The following GAA variants were observed in gnomAD, a reference collection of about 807,000 sequenced individuals.
The protein encoded by GAA is lysosomal alpha-glucosidase.
A neutral mutation model predicts 103.9 loss-of-function variants in GAA; 88 were observed. That is an observed-to-expected ratio of 0.85 (90% CI 0.71 to 1.01). The LOEUF is 1.01. Ranked by LOEUF, GAA falls within the 50% of genes least tolerant of loss-of-function variation. The pLI is 0.00. For missense variants in GAA, 1,350 were observed against 1,305.3 expected, an observed-to-expected ratio of 1.03 and a Z score of -0.53; for synonymous variants, 572 against 563.1, an observed-to-expected ratio of 1.02 and a Z score of -0.22.
chr17:80,103,994 G>A (rs1020095942), intron 1 of GAA, among the ~76,000 whole-genome samples: 6 of 152,156 alleles, frequency 3.9e-5, no homozygotes, highest in African/African-American at 1.2e-4. Context: ...CCAGCCAGGC[G>A]TGGTCACTCC....
chr17:80,111,968 CCCCG>C lies in GAA; in HGVS notation c.1637-12_1637-9del. The C allele has an allele frequency of 5.6e-6, 9 of 1,608,094 alleles. No homozygotes were observed. The highest frequency in any genetic ancestry group is 7.7e-6 in the Non-Finnish European group (9 of 1,175,780). On this transcript the variant is annotated splice_polypyrimidine_tract_variant and intron_variant, in intron 11 of 19. Coordinates refer to ENST00000302262, the MANE Select transcript of GAA (RefSeq NM_000152.5). ...GGGAGGAAGCTCCCTGGAAACCAGC[CCCCG>C]CCTCTTCCAGGGGTGGTTGGGGGGA...
At chr17:80,108,674 A>T (rs2039155797) in intron 7 of GAA, 23 bp from the exon 8 acceptor site, 1 of 1,612,756 alleles carries the variant, frequency 6.2e-7, no homozygotes, top group East Asian at 2.2e-5. Flanking sequence ...GCCCCAGCAG[A>T]CGGTCCCGTG....
rs772394815 is a variant in GAA at position 80,104,617 on chromosome 17, C to G, written c.31C>G (p.Arg11Gly). The change falls in exon 2 of 20, where the codon CGG becomes GGG. Residue 11 changes from arginine to glycine, a missense_variant. Transcript: ENST00000302262. This position sits in a 1 kb window ranked among gnomAD's most constrained non-coding sequence, Gnocchi z 4.0. The stretch of plus-strand genomic sequence containing the variant: ...AGTGAGGCACCCGCCCTGCTCCCAC[C>G]GGCTCCTGGCCGTCTGCGCCCTCGT... The part of the protein sequence containing the change: MGVRHPPCSH[R>G]LLAVCALVSL... The G allele has an allele frequency of 6.2e-7, 1 of 1,612,528 alleles. No homozygotes were observed. Among genetic ancestry groups the G allele is most frequent in the Non-Finnish European group, 8.5e-7 (1 of 1,179,870 alleles).
At chr17:80,114,399 CTTG>C (rs1418728380) in intron 15 of GAA, among the ~76,000 whole-genome samples, 2 of 150,542 alleles carry the variant, frequency 1.3e-5, no homozygotes, top group Admixed American at 6.6e-5. Context: ...TTTTAATGAC[CTTG>C]TTGTTTCTGT....
rs1351262187 is a variant in GAA at position 80,104,876 on chromosome 17, C to T, written c.290C>T (p.Ala97Val). 2.5e-6 allele frequency: 4 copies of T among 1,612,776 alleles called. No homozygotes were observed. The highest frequency in any genetic ancestry group is 3.4e-6 in the Non-Finnish European group (4 of 1,179,888). ...CGCTTCGATTGCGCCCCTGACAAGG[C>T]CATCACCCAGGAACAGTGCGAGGCC... ...NSRFDCAPDK[A>V]ITQEQCEARG... The change falls in exon 2 of 20, where the codon GCC (alanine) becomes GTC (valine). Residue 97 changes from alanine (A) to valine (V), a missense_variant. Transcript: ENST00000302262. This position sits in a 1 kb window ranked among gnomAD's most constrained non-coding sequence, Gnocchi z 4.0.
intron 8 of GAA, among the ~76,000 whole-genome samples, chr17:80,109,562 A>G (rs2039179007): frequency 6.6e-6 from 1 of 152,238 alleles, no homozygotes; most frequent in Non-Finnish European, 1.5e-5. Flanking sequence ...GCCTGTTTCC[A>G]TCCCTGCCTT....
rs373387713 is a variant in GAA, at chr17:80,112,121, C to T, written c.1754+21C>T. 3.0e-4 allele frequency: 486 copies of T among 1,599,340 alleles called. No individual in the cohort carries two copies. Among genetic ancestry groups the T allele is most frequent in the Non-Finnish European group, 4.0e-4 (462 of 1,167,162 alleles). On this transcript the variant is annotated intron_variant, in intron 12 of 19. Coordinates refer to ENST00000302262, the MANE Select transcript of GAA (RefSeq NM_000152.5). ...CACAGGTGAGGGCCACGTCCCGCCC[C>T]ACTGGGCTCTGCCCTCACAGCCTGT...
chr17:80,108,459 C>A, intron 6 of GAA, 30 bp from the exon 7 acceptor site: 1 of 1,613,244 alleles, frequency 6.2e-7, no homozygotes, highest in Non-Finnish European at 8.5e-7. Context: ...TCCCTCCTCC[C>A]TCCCTCATGA....
At position 80,112,050 on chromosome 17, in the gene GAA, C is replaced by T. The variant is rs776882059; in HGVS notation, c.1704C>T (p.His568=). 2 of 1,614,098 alleles carry T rather than the reference C, an allele frequency of 1.2e-6. No homozygotes were observed. Among genetic ancestry groups the T allele is most frequent in the Non-Finnish European group, 1.7e-6 (2 of 1,179,970 alleles). ...CCAGCCACCAGTTTCTCTCCACACA[C>T]TACAACCTGCACAACCTCTACGGCC... ...CASSHQFLST[H]YNLHNLYGLT... Residue 568 remains histidine, a synonymous_variant, in exon 12 of 20, where the codon CAC becomes CAT. Transcript: ENST00000302262.
chr17:80,114,427 T>C (rs1051511874), intron 15 of GAA, among the ~76,000 whole-genome samples: 28 of 152,066 alleles, frequency 1.8e-4, no homozygotes, highest in Non-Finnish European at 2.9e-4. Flanking sequence ...ACACTTTTTT[T>C]TTTTTTTTTT....
rs886043848 is a variant in GAA, at chr17:80,118,718, G to A, written c.2712G>A (p.Val904=). The change falls in exon 19 of 20, where the codon GTG becomes GTA. Residue 904 remains valine, a synonymous_variant. Transcript: ENST00000302262. ...SEGAGLQLQK[V]TVLGVATAPQ... ...GAGCTGGCCTGCAGCTGCAGAAGGT[G>A]ACTGTCCTGGGCGTGGCCACGGCGC... 3 of 1,613,276 alleles carry A rather than the reference G, an allele frequency of 1.9e-6. No homozygotes were observed. The highest frequency in any genetic ancestry group is 2.5e-6 in the Non-Finnish European group (3 of 1,180,008).
rs534837797 is a variant in GAA, at chr17:80,111,872, C to A, written c.1637-111C>A. The A allele has an allele frequency of 4.2e-4, 357 of 857,448 alleles. 3 individuals are homozygous for A. The African/African-American group carries it at 4.9e-3, about 12-fold the overall frequency. 53.1% of individuals were successfully genotyped at this position (857,448 alleles called of 1,614,324 possible). On this transcript the variant is annotated intron_variant, in intron 11 of 19. Transcript: ENST00000302262. ...GCTGCAGGTGCACCTCCAGGGCCAG[C>A]CTGAAGAGGCAGCGACCTGCACAGG...
At chr17:80,106,687 G>A (rs546116299) in intron 3 of GAA, among the ~76,000 whole-genome samples, 49 of 152,352 alleles carry the variant, frequency 3.2e-4, no homozygotes, top group Non-Finnish European at 5.9e-4. Flanking sequence ...GGAGGCCAAG[G>A]CGAGAGGGTC....
rs770983413 is a variant in GAA at position 80,112,594 on chromosome 17, C to T, written c.1771C>T (p.Arg591Trp). 11 of 1,612,940 alleles carry T rather than the reference C, an allele frequency of 6.8e-6. No homozygotes were observed. The highest frequency in any genetic ancestry group is 1.1e-5 in the South Asian group (1 of 91,078). The change falls in exon 13 of 20, where the codon CGG becomes TGG. Residue 591 changes from arginine to tryptophan, a missense_variant. Physicochemically the swap from Arg to Trp is moderately radical, Grantham distance 101. Coordinates refer to ENST00000302262, the MANE Select transcript of GAA (RefSeq NM_000152.5). ...IASHRALVKA[R>W]GTRPFVISRS... is the part of the protein sequence containing the mutation. ...CCACCCCAGGGCGCTGGTGAAGGCT[C>T]GGGGGACACGCCCATTTGTGATCTC...
chr17:80,119,607 C>T lies in GAA; in HGVS notation c.*276C>T, dbSNP rs2039439287. The T allele has an allele frequency of 4.4e-6, 2 of 456,050 alleles. No individual in the cohort carries two copies. Among genetic ancestry groups the T allele is most frequent in the African/African-American group, 2.0e-5 (1 of 49,978 alleles). The allele number at this position is 456,050 out of a possible 1,614,324, so 28.3% of individuals were successfully genotyped here. On this transcript the variant is annotated 3_prime_UTR_variant, in exon 20 of 20. Transcript: ENST00000302262. ...ATAAGATTGTAAGGTTTGCCCTCCT[C>T]ACCTGTTGCCGGCATGCGGGTAGTA...
At chr17:80,117,932 G>A (rs1435340138) in intron 17 of GAA, among the ~76,000 whole-genome samples, 183 bp downstream of exon 17, 1 of 152,194 alleles carries the variant, frequency 6.6e-6, no homozygotes, top group Non-Finnish European at 1.5e-5. Context: ...ACAAAGGCGT[G>A]GAGCATGGCC....
chr17:80,108,454 C>T (rs1598577075), intron 6 of GAA, 35 bp from the exon 7 acceptor site: 1 of 1,613,162 alleles, frequency 6.2e-7, no homozygotes, highest in Non-Finnish European at 8.5e-7. Context: ...AAGGCTCCCT[C>T]CTCCCTCCCT....
chr17:80,116,726 C>G (rs1598590674), intron 15 of GAA: 1 of 570,114 alleles, frequency 1.8e-6, no homozygotes, highest in Non-Finnish European at 3.2e-6. Context: ...AGCACAAGCC[C>G]CTATTCCTGC....
chr17:80,104,517 T>C lies in GAA; in HGVS notation c.-32-38T>C. 1 of 1,468,872 alleles carries C rather than the reference T, an allele frequency of 6.8e-7. No individual in the cohort carries two copies. The highest frequency in any genetic ancestry group is 9.2e-7 in the Non-Finnish European group (1 of 1,090,230). 91.0% of individuals were successfully genotyped at this position (1,468,872 alleles called of 1,614,324 possible). ...TTGAGAGCCCCGTGAGTGCCGCCCC[T>C]CCCGCCTCCCTGCTGAGCCCGCTTT... On this transcript the variant is annotated intron_variant, in intron 1 of 19. Transcript: ENST00000302262. This position sits in a 1 kb window ranked among gnomAD's most constrained non-coding sequence, Gnocchi z 4.0.
Sources: allele counts gnomAD v4.1 joint callset (sites outside exome capture counted in the v4.1 genomes callset), GRCh38; gene constraint gnomAD v4.1.1; non-coding constraint Gnocchi (gnomAD v3.1); transcripts MANE v1.5; gene names NCBI Gene and HGNC (gene_info 2026-07-23, HGNC 2026-07-21).